TMEM38A: variants seen among roughly 807,000 people sequenced by gnomAD.
TMEM38A encodes the protein trimeric intracellular cation channel type A.
TMEM38A carries 17 observed loss-of-function variants against 28.6 expected under a neutral mutation model. The observed-to-expected ratio is 0.60, with a 90% CI of 0.41 to 0.89. TMEM38A has a LOEUF of 0.89. TMEM38A is among the 40% of genes least tolerant of loss of function. The probability of loss-of-function intolerance (pLI) is 0.00; values close to 1 mark genes in which losing one functional copy is unlikely to be tolerated. For missense variants in TMEM38A, 328 were observed against 393.1 expected (o/e 0.83, Z 1.40); for synonymous variants, 169 against 166.1 (o/e 1.02, Z -0.14).
chr19:16,661,533 C>A lies in TMEM38A; in HGVS notation c.124+192C>A, dbSNP rs2086678333. On this transcript the variant is annotated intron_variant, in intron 1 of 5. Coordinates refer to ENST00000187762, the MANE Select transcript of TMEM38A (RefSeq NM_024074.4). The surrounding 1 kb of genome is among the most constrained non-coding windows in gnomAD (Gnocchi z 6.5). ...CGCCGGGGTGAGCCCGGGGGAGAAG[C>A]CCCCAGGACGATGAAGCTGGGGGAG... Among the ~76,000 whole-genome samples, 1 of 151,902 alleles carries A rather than the reference C, an allele frequency of 6.6e-6. No individual in the cohort carries two copies.
intron 1 of TMEM38A, among the ~76,000 whole-genome samples, chr19:16,674,238 A>C (rs925426595): frequency 2.0e-5 from 3 of 151,720 alleles, no homozygotes; most frequent in African/African-American, 7.3e-5. Flanking sequence ...TACAAAACTT[A>C]GCTAGGCGTG....
At position 16,683,426 on chromosome 19, in the gene TMEM38A, T is replaced by TA. The variant is rs576788150; in HGVS notation, c.554+929dup. On this transcript the variant is annotated intron_variant, in intron 4 of 5. Transcript: ENST00000187762. ...CAACATAGTGAGACCTATTCTATAT[T>TA]AAAAAAAAAAAGTTAAATTAGCTAG... 6.8e-3 allele frequency among the ~76,000 whole-genome samples: 991 copies of TA among 144,752 alleles called. 5 individuals carry two copies. The highest frequency in any genetic ancestry group is 0.014 in the African/African-American group (565 of 39,588). The allele number at this position is 144,752 out of a possible 152,430, so 95.0% of individuals were successfully genotyped here.
chr19:16,684,584 A>G (rs1388046347), intron 4 of TMEM38A, among the ~76,000 whole-genome samples: 2 of 152,216 alleles, frequency 1.3e-5, no homozygotes, highest in East Asian at 3.8e-4. Context: ...GGAAAAAAAT[A>G]AAAGTTAAGG....
chr19:16,676,924 C>G (rs1464008200), intron 1 of TMEM38A, among the ~76,000 whole-genome samples: 1 of 151,722 alleles, frequency 6.6e-6, no homozygotes, highest in Non-Finnish European at 1.5e-5. Context: ...CCACGCCTGG[C>G]TAATTTTTGT....
chr19:16,670,199 A>T (rs1343475639), intron 1 of TMEM38A, among the ~76,000 whole-genome samples: 3 of 148,980 alleles, frequency 2.0e-5, no homozygotes, highest in Non-Finnish European at 4.4e-5. Context: ...CGAATTCCTG[A>T]CCTTGTGATC....
intron 1 of TMEM38A, among the ~76,000 whole-genome samples, chr19:16,672,120 G>T (rs924586031): frequency 2.6e-5 from 4 of 152,082 alleles, no homozygotes; most frequent in African/African-American, 9.7e-5. Flanking sequence ...GCTGCATTTT[G>T]GGCTCATAAC....
At chr19:16,666,736 C>A (rs1447801376) in intron 1 of TMEM38A, among the ~76,000 whole-genome samples, 1 of 152,114 alleles carries the variant, frequency 6.6e-6, no homozygotes, top group Non-Finnish European at 1.5e-5. Flanking sequence ...GGCTGGATCA[C>A]AAAGTCAGGA....
At chr19:16,686,983 A>G (rs1007736041) in intron 5 of TMEM38A, among the ~76,000 whole-genome samples, 1 of 152,180 alleles carries the variant, frequency 6.6e-6, no homozygotes, top group Non-Finnish European at 1.5e-5. Context: ...CAAATGTCTT[A>G]GTCCATTCAG....
At chr19:16,672,442 CCT>C (rs1491206434) in intron 1 of TMEM38A, among the ~76,000 whole-genome samples, 1 of 120,856 alleles carries the variant, frequency 8.3e-6, no homozygotes, top group Non-Finnish European at 1.6e-5. Context: ...CACAAAAAAA[CCT>C]CATTTTTTTT....
intron 1 of TMEM38A, among the ~76,000 whole-genome samples, chr19:16,668,832 CTT>C (rs764301432): frequency 1.4e-4 from 19 of 140,160 alleles, no homozygotes; most frequent in Non-Finnish European, 1.7e-4. Flanking sequence ...CTTTTTCTTT[CTT>C]TTTTTTTTTT....
chr19:16,688,403 C>G lies in TMEM38A; in HGVS notation c.*32C>G. On this transcript the variant is annotated 3_prime_UTR_variant, in exon 6 of 6. Transcript: ENST00000187762. ...GCCCAAGGGGCACCGGGGAGAGGAC[C>G]CGGACCCAGGACCCTCTGAGCTGGG... 1.3e-6 allele frequency: 2 copies of G among 1,501,512 alleles called. No individual in the cohort carries two copies. Among genetic ancestry groups the G allele is most frequent in the Admixed American group, 4.2e-5 (2 of 47,474 alleles). 93.0% of individuals were successfully genotyped at this position (1,501,512 alleles called of 1,614,324 possible). A position where few individuals can be genotyped will look rare whatever the true frequency, so the allele number is the denominator to read the frequency against.
chr19:16,674,365 G>A (rs906869634), intron 1 of TMEM38A, among the ~76,000 whole-genome samples: 1 of 148,248 alleles, frequency 6.7e-6, no homozygotes, highest in Non-Finnish European at 1.5e-5. Flanking sequence ...TCCAGCCTGG[G>A]CGACAGAGCA....
chr19:16,673,113 C>G (rs934426159), intron 1 of TMEM38A, among the ~76,000 whole-genome samples: 4 of 151,568 alleles, frequency 2.6e-5, no homozygotes, highest in African/African-American at 9.7e-5. Flanking sequence ...ATGGAGCCTC[C>G]CTCTGTCGCC....
rs1352677875 is a variant in TMEM38A at position 16,661,256 on chromosome 19, G to T, written c.39G>T (p.Ala13=). ...CGGCGCTGAGCCTGGGCGAACTGGC[G>T]CTCAGCTTCTCGCGGGTGCCGCTCT... The part of the protein sequence containing the change: ...LLSALSLGEL[A]LSFSRVPLFP... Residue 13 remains alanine (A), a synonymous_variant, in exon 1 of 6, where the codon GCG becomes GCT. Coordinates refer to ENST00000187762, the MANE Select transcript of TMEM38A (RefSeq NM_024074.4). The surrounding 1 kb of genome is among the most constrained non-coding windows in gnomAD (Gnocchi z 6.5). 1 of 1,594,856 alleles carries T rather than the reference G, an allele frequency of 6.3e-7. No homozygotes were observed. Among genetic ancestry groups the T allele is most frequent in the Non-Finnish European group, 8.5e-7 (1 of 1,171,542 alleles).
chr19:16,665,208 C>T (rs1473305588), intron 1 of TMEM38A, among the ~76,000 whole-genome samples: 1 of 151,706 alleles, frequency 6.6e-6, no homozygotes, highest in Non-Finnish European at 1.5e-5. Flanking sequence ...GCAGGAGAAT[C>T]GCTTGAACCT....
intron 1 of TMEM38A, among the ~76,000 whole-genome samples, chr19:16,675,712 C>G (rs1417046717): frequency 6.6e-6 from 1 of 151,874 alleles, no homozygotes; most frequent in East Asian, 1.9e-4. Context: ...CAACGCCCAG[C>G]TAATTTTTGT....
chr19:16,669,979 A>AT (rs1229769218), intron 1 of TMEM38A, among the ~76,000 whole-genome samples: 1 of 148,162 alleles, frequency 6.7e-6, no homozygotes, highest in Non-Finnish European at 1.5e-5. Flanking sequence ...TTATTATTTT[A>AT]TTTTTTTGAG....
chr19:16,673,038 CT>C (rs1769414997), intron 1 of TMEM38A, among the ~76,000 whole-genome samples: 1 of 151,870 alleles, frequency 6.6e-6, no homozygotes, highest in Non-Finnish European at 1.5e-5. Context: ...TTGAAAAACC[CT>C]GATCAAGGTC....
intron 1 of TMEM38A, among the ~76,000 whole-genome samples, chr19:16,664,928 A>G (rs746048639): frequency 1.4e-4 from 22 of 152,032 alleles, no homozygotes; most frequent in Non-Finnish European, 3.1e-4. Context: ...GGGGAGGTCA[A>G]GGTTGGAAGA....
Sources: gnomAD v4.1 joint callset for allele counts (sites outside exome capture counted in the v4.1 genomes callset) on GRCh38, gnomAD v4.1.1 for gene constraint, Gnocchi (gnomAD v3.1) non-coding constraint, MANE v1.5 for transcripts, NCBI Gene and HGNC (gene_info 2026-07-23, HGNC 2026-07-21) for gene names.